Variants in CACNA2D3 observed in about 807,000 individuals in gnomAD.
CACNA2D3 encodes the protein calcium voltage-gated channel auxiliary subunit alpha2delta 3, also known as voltage-dependent calcium channel subunit alpha-2/delta-3.
In CACNA2D3, 60 loss-of-function variants were observed where a neutral mutation model predicts 160.6. The ratio of observed to expected loss-of-function variants is 0.37; its 90% confidence interval spans 0.30 to 0.46. CACNA2D3 has a LOEUF of 0.46. Among genes scored for constraint, CACNA2D3 ranks in the 20% least tolerant of loss-of-function variants. The pLI is 1.00. For synonymous variants in CACNA2D3, 558 were observed against 492.9 expected (o/e 1.13, Z -1.75); for missense variants, 1,205 against 1,365.0 (o/e 0.88, Z 1.85).
At position 54,893,141 on chromosome 3, in the gene CACNA2D3, T is replaced by A. The variant is rs189526721; in HGVS notation, c.2246+1691T>A. On this transcript the variant is annotated intron_variant, in intron 25 of 37. Coordinates refer to ENST00000474759, the MANE Select transcript of CACNA2D3 (RefSeq NM_018398.3). ...AAATACAAAAATTAGCCGGGCATGG[T>A]GGCACACACCTGTAATCCCAGCTAC... Among the ~76,000 whole-genome samples, 1,005 of 152,254 alleles carry A rather than the reference T, an allele frequency of 6.6e-3. 15 individuals carry two copies. The highest frequency in any genetic ancestry group is 0.023 in the African/African-American group (954 of 41,522).
At chr3:54,743,963 A>G (rs908042964) in intron 11 of CACNA2D3, among the ~76,000 whole-genome samples, 2 of 152,198 alleles carry the variant, frequency 1.3e-5, no homozygotes, top group African/African-American at 4.8e-5. Context: ...TGGATTCTAC[A>G]GACTCAGTTC....
At chr3:54,982,370 GGAGA>G (rs993750749) in intron 29 of CACNA2D3, among the ~76,000 whole-genome samples, 4 of 152,058 alleles carry the variant, frequency 2.6e-5, no homozygotes, top group African/African-American at 9.7e-5. Context: ...CTCTGCCTTA[GGAGA>G]GACTCTTAAC....
At chr3:54,766,900 A>T (rs1382281045) in intron 13 of CACNA2D3, among the ~76,000 whole-genome samples, 1 of 151,272 alleles carries the variant, frequency 6.6e-6, no homozygotes, top group Non-Finnish European at 1.5e-5. Context: ...GAAATGAGGA[A>T]AAAAGAAGAT....
intron 4 of CACNA2D3, among the ~76,000 whole-genome samples, chr3:54,451,085 T>A (rs1402590969): frequency 6.6e-6 from 1 of 152,118 alleles, no homozygotes; most frequent in East Asian, 1.9e-4. Flanking sequence ...TCTCTGTGGT[T>A]CAAGGCTCCA....
At chr3:54,455,357 A>G (rs1318566643) in intron 4 of CACNA2D3, among the ~76,000 whole-genome samples, 1 of 152,086 alleles carries the variant, frequency 6.6e-6, no homozygotes, top group Non-Finnish European at 1.5e-5. Flanking sequence ...GCATTTTTTA[A>G]CATATTTGGA....
intron 2 of CACNA2D3, among the ~76,000 whole-genome samples, chr3:54,263,158 G>A (rs7614823): frequency 0.83 from 126,187 of 152,214 alleles, 52,426 homozygotes; most frequent in South Asian, 0.85. Context: ...TGCTTATTTT[G>A]TTGCATAATA....
At chr3:54,884,057 G>A (rs1313075876) in intron 21 of CACNA2D3, among the ~76,000 whole-genome samples, 1 of 152,088 alleles carries the variant, frequency 6.6e-6, no homozygotes, top group Admixed American at 6.6e-5. Context: ...TATAGCAGAT[G>A]CTCAGTAAAA....
At chr3:54,251,064 A>G (rs189951482) in intron 2 of CACNA2D3, among the ~76,000 whole-genome samples, 36 of 152,312 alleles carry the variant, frequency 2.4e-4, no homozygotes, top group African/African-American at 7.9e-4. Context: ...AATCTCAGCC[A>G]TAGACTCTTA....
intron 12 of CACNA2D3, among the ~76,000 whole-genome samples, chr3:54,759,156 A>T (rs1324723426): frequency 6.6e-6 from 1 of 152,260 alleles, no homozygotes; most frequent in Non-Finnish European, 1.5e-5. Context: ...AATTGATGTT[A>T]TAGAGAAAAA....
intron 11 of CACNA2D3, among the ~76,000 whole-genome samples, chr3:54,669,572 G>C (rs933008169): frequency 4.6e-5 from 7 of 152,088 alleles, no homozygotes; most frequent in African/African-American, 1.7e-4. Flanking sequence ...CTGGTCTGTT[G>C]TTAATTTTTT....
At chr3:54,966,129 C>T (rs530616911) in intron 27 of CACNA2D3, among the ~76,000 whole-genome samples, 21 of 151,928 alleles carry the variant, frequency 1.4e-4, no homozygotes, top group Non-Finnish European at 1.0e-4. Context: ...CATCAGAGAA[C>T]GGGGGTGGGG....
intron 16 of CACNA2D3, among the ~76,000 whole-genome samples, chr3:54,840,752 C>T (rs1417847682): frequency 2.5e-5 from 3 of 121,218 alleles, no homozygotes; most frequent in Non-Finnish European, 5.0e-5. Context: ...GACGGAGTCT[C>T]GCTCTGTCAC....
intron 9 of CACNA2D3, among the ~76,000 whole-genome samples, chr3:54,624,348 C>T (rs1430853912): frequency 6.6e-6 from 1 of 152,126 alleles, no homozygotes; most frequent in Non-Finnish European, 1.5e-5. Flanking sequence ...GTAGGCTGGG[C>T]CCGGTGGCTC....
chr3:54,637,501 G>A (rs969595459), intron 10 of CACNA2D3, among the ~76,000 whole-genome samples: 1 of 151,966 alleles, frequency 6.6e-6, no homozygotes, highest in Non-Finnish European at 1.5e-5. Flanking sequence ...CTAAAAAGGA[G>A]TGCTTTAAAG....
chr3:54,337,537 A>G (rs1198845448), intron 3 of CACNA2D3, among the ~76,000 whole-genome samples: 1 of 152,216 alleles, frequency 6.6e-6, no homozygotes, highest in Non-Finnish European at 1.5e-5. Flanking sequence ...GCATTAGTGG[A>G]AAACTGAGTT....
At chr3:54,489,033 A>G (rs1283737388) in intron 4 of CACNA2D3, among the ~76,000 whole-genome samples, 1 of 152,178 alleles carries the variant, frequency 6.6e-6, no homozygotes, top group Non-Finnish European at 1.5e-5. Flanking sequence ...ATAGAGAATC[A>G]TGGAGCAATG....
chr3:54,762,104 C>T (rs1371686011), intron 12 of CACNA2D3, among the ~76,000 whole-genome samples: 1 of 152,076 alleles, frequency 6.6e-6, no homozygotes, highest in African/African-American at 2.4e-5. Context: ...GAATCTGTGT[C>T]CATCCCCTGC....
At chr3:54,578,202 A>G (rs1308120066) in intron 8 of CACNA2D3, among the ~76,000 whole-genome samples, 2 of 152,164 alleles carry the variant, frequency 1.3e-5, no homozygotes, top group Non-Finnish European at 2.9e-5. Context: ...ATAGAAGGAA[A>G]TTGCATCTAG....
chr3:54,533,332 CTTTTTT>C (rs60076440), intron 5 of CACNA2D3, among the ~76,000 whole-genome samples: 5 of 97,302 alleles, frequency 5.1e-5, no homozygotes, highest in African/African-American at 1.2e-4. Context: ...CTTTTCTTTC[CTTTTTT>C]TTTTTTTTTT....
Sources: gnomAD v4.1 joint callset for allele counts (sites outside exome capture counted in the v4.1 genomes callset) on GRCh38, gnomAD v4.1.1 for gene constraint, MANE v1.5 for transcripts, NCBI Gene and HGNC (gene_info 2026-07-23, HGNC 2026-07-21) for gene names.